Variants in MIAT observed in about 807,000 individuals in gnomAD.
MIAT encodes the protein MI related novel mRNA.
chr22:26,657,178 C>T (rs890291305), intron 2 of MIAT: 2 of 232,386 alleles, frequency 8.6e-6, no homozygotes, highest in Non-Finnish European at 1.7e-5. Flanking sequence ...GCCTCTCCAG[C>T]CCTGAGCTCT....
At chr22:26,647,931 A>G (rs997912523) in intron 2 of MIAT, among the ~76,000 whole-genome samples, 1 of 151,790 alleles carries the variant, frequency 6.6e-6, no homozygotes. Flanking sequence ...AAACTGGAGG[A>G]AGGGTGTTTT....
chr22:26,672,590 A>G, downstream of MIAT: 1 of 398,774 alleles, frequency 2.5e-6, no homozygotes, highest in Non-Finnish European at 4.4e-6. Context: ...TGTCCTCTGG[A>G]AGGAAGCTGG....
chr22:26,673,464 C>T (rs1931139789), downstream of MIAT: 2 of 398,796 alleles, frequency 5.0e-6, no homozygotes, highest in Admixed American at 8.8e-5. Flanking sequence ...GGCTCCTGGC[C>T]TGGCCCTGAC....
intron 2 of MIAT, among the ~76,000 whole-genome samples, chr22:26,649,752 A>C (rs1299497801): frequency 6.6e-6 from 1 of 152,194 alleles, no homozygotes; most frequent in African/African-American, 2.4e-5. Context: ...GTCTCTACTA[A>C]AAATACAAAA....
chr22:26,662,543 G>A (rs529977480), intron 2 of MIAT, among the ~76,000 whole-genome samples: 1 of 152,258 alleles, frequency 6.6e-6, no homozygotes, highest in South Asian at 2.1e-4. Flanking sequence ...CCTCTTTTGT[G>A]GACATTGTGT....
exon 1 of MIAT, chr22:26,646,452 G>A (rs1602351504): frequency 2.5e-6 from 1 of 399,326 alleles, no homozygotes; most frequent in East Asian, 3.6e-5. Flanking sequence ...CAGGAACCAC[G>A]AGAGGCAGGG....
rs578260281 is a variant in MIAT at position 26,662,270 on chromosome 22, A to T, written n.647-1046A>T. On this transcript the variant is annotated intron_variant and non_coding_transcript_variant, in intron 2 of 5. Transcript: ENST00000643270. ...TGCGCCCAGTCCCTGCCCCTATTTG[A>T]ATACACCCTCTGCCCCTTTGGGGTC... Among the ~76,000 whole-genome samples, 37 of 152,134 alleles carry T rather than the reference A, an allele frequency of 2.4e-4. 1 individual carries two copies. The South Asian group carries it at 7.5e-3, about 31-fold the overall frequency.
chr22:26,649,685 C>T (rs937494099), intron 2 of MIAT, among the ~76,000 whole-genome samples: 1 of 152,176 alleles, frequency 6.6e-6, no homozygotes, highest in Non-Finnish European at 1.5e-5. Flanking sequence ...GACACTGAGG[C>T]GGGTGGATCA....
chr22:26,676,357 A>T, exon 5 of MIAT: 3 of 398,652 alleles, frequency 7.5e-6, no homozygotes, highest in Non-Finnish European at 8.8e-6. Context: ...TGTAGATTAA[A>T]AATCAGATTT....
chr22:26,654,393 TG>T (rs1221471421), intron 2 of MIAT, among the ~76,000 whole-genome samples: 4 of 152,204 alleles, frequency 2.6e-5, no homozygotes, highest in Admixed American at 2.6e-4. Flanking sequence ...AATGATAGAC[TG>T]ACAGTCAGGA....
intron 2 of MIAT, among the ~76,000 whole-genome samples, chr22:26,654,038 C>T (rs1323812235): frequency 6.6e-6 from 1 of 152,140 alleles, no homozygotes; most frequent in Non-Finnish European, 1.5e-5. Context: ...CCACGGTGAG[C>T]CTCTTCCACT....
exon 4 of MIAT, chr22:26,665,638 C>T (rs1930819622): frequency 2.5e-6 from 1 of 398,564 alleles, no homozygotes; most frequent in Non-Finnish European, 4.4e-6. Flanking sequence ...TTTAAACTTA[C>T]CAGCCCATAG....
chr22:26,669,177 G>A (rs1602370216), exon 6 of MIAT: 1 of 398,624 alleles, frequency 2.5e-6, no homozygotes, highest in African/African-American at 2.1e-5. Flanking sequence ...GTTTGCAAGA[G>A]AGCAGCTTGT....
chr22:26,661,435 G>T (rs1474353213), intron 2 of MIAT, among the ~76,000 whole-genome samples: 2 of 152,182 alleles, frequency 1.3e-5, no homozygotes, highest in African/African-American at 4.8e-5. Context: ...TCATGGAAGG[G>T]AGGCGGGTGC....
intron 3 of MIAT, among the ~76,000 whole-genome samples, chr22:26,664,253 C>T (rs1001674754): frequency 9.9e-5 from 15 of 151,962 alleles, no homozygotes; most frequent in African/African-American, 3.1e-4. Flanking sequence ...CTCGAGTGGT[C>T]GCCTCGGCCT....
At chr22:26,666,794 TGGGCCTGGGGAGG>T (rs1930861282) in exon 4 of MIAT, 1 of 399,008 alleles carries the variant, frequency 2.5e-6, no homozygotes, top group Non-Finnish European at 4.4e-6. Flanking sequence ...TGGCAAGGCC[TGGGCCTGGGGAGG>T]GGGCCTGGGT....
chr22:26,672,784 G>T (rs970646923), downstream of MIAT: 3 of 398,656 alleles, frequency 7.5e-6, no homozygotes, highest in Non-Finnish European at 1.3e-5. Context: ...AGTCAATGAA[G>T]CGGGTCTTTC....
intron 3 of MIAT, chr22:26,665,346 C>T: frequency 2.5e-6 from 1 of 397,774 alleles, no homozygotes; most frequent in Non-Finnish European, 4.4e-6. Context: ...GCCACAGTTT[C>T]CTCCAGGTTT....
chr22:26,655,030 G>A (rs955331803), intron 2 of MIAT, among the ~76,000 whole-genome samples: 2 of 152,192 alleles, frequency 1.3e-5, no homozygotes, highest in African/African-American at 2.4e-5. Context: ...TTTAAAAAAG[G>A]ACTTTTGTGA....
Sources: gnomAD v4.1 joint callset for allele counts (sites outside exome capture counted in the v4.1 genomes callset) on GRCh38, gnomAD v4.1.1 for gene constraint, MANE v1.5 for transcripts, NCBI Gene and HGNC (gene_info 2026-07-23, HGNC 2026-07-21) for gene names.